The following KALRN variants were observed in gnomAD, a reference collection of about 807,000 sequenced individuals.
KALRN encodes kalirin.
KALRN carries 70 observed loss-of-function variants against 353.7 expected under a neutral mutation model. The observed-to-expected ratio is 0.20, with a 90% CI of 0.16 to 0.24. The LOEUF (loss-of-function observed/expected upper bound fraction) is 0.24, where lower values mean the gene tolerates loss of function less well. KALRN is among the 10% of genes least tolerant of loss of function. KALRN has a pLI of 1.00. For missense variants in KALRN, 2,791 were observed against 3,756.7 expected (o/e 0.74, Z 6.72); for synonymous variants, 1,391 against 1,434.8 (o/e 0.97, Z 0.69).
At chr3:124,516,092 C>T (rs749658336) in intron 33 of KALRN, among the ~76,000 whole-genome samples, 3 of 152,140 alleles carry the variant, frequency 2.0e-5, no homozygotes, top group Non-Finnish European at 4.4e-5. Context: ...CTTTAACCCC[C>T]AATGGATATA....
rs116926701 is a variant in KALRN, at chr3:124,227,232, A to G, written c.74-758A>G. On this transcript the variant is annotated intron_variant, in intron 1 of 59. Coordinates refer to ENST00000682506, the MANE Select transcript of KALRN (RefSeq NM_001388419.1). Reference sequence around the variant, plus strand: ...CCCCTAACAGGAACTCAACTAGAACATAGAAAGGACTTTCTAAATGAGAAG... The same window carrying G: ...CCCCTAACAGGAACTCAACTAGAACGTAGAAAGGACTTTCTAAATGAGAAG... Among the ~76,000 whole-genome samples, 232 of 152,298 alleles carry G rather than the reference A, an allele frequency of 1.5e-3. 2 individuals are homozygous for G. The highest frequency in any genetic ancestry group is 0.014 in the East Asian group (72 of 5,184).
intron 9 of KALRN, among the ~76,000 whole-genome samples, chr3:124,345,037 A>G (rs1325566572): frequency 6.6e-6 from 1 of 152,214 alleles, no homozygotes; most frequent in Non-Finnish European, 1.5e-5. Context: ...AAAGCTAGAG[A>G]TAAAAAATGA....
intron 33 of KALRN, among the ~76,000 whole-genome samples, chr3:124,556,315 C>T (rs1015011325): frequency 6.6e-6 from 1 of 152,192 alleles, no homozygotes; most frequent in Non-Finnish European, 1.5e-5. Flanking sequence ...CCTGGCAGCT[C>T]CATGGGCTTC....
intron 1 of KALRN, among the ~76,000 whole-genome samples, chr3:124,211,084 G>A (rs2076860421): frequency 6.6e-6 from 1 of 152,200 alleles, no homozygotes. Flanking sequence ...CAGTTTGGCT[G>A]TTCCCAGGTT....
At chr3:124,085,252 T>C (rs2060750263) in intron 1 of KALRN, among the ~76,000 whole-genome samples, 1 of 152,230 alleles carries the variant, frequency 6.6e-6, no homozygotes, top group Non-Finnish European at 1.5e-5. Context: ...CCATCCATCC[T>C]GTAAGTAGCC....
intron 1 of KALRN, among the ~76,000 whole-genome samples, chr3:124,192,226 A>G (rs2074994992): frequency 6.6e-6 from 1 of 152,222 alleles, no homozygotes; most frequent in Non-Finnish European, 1.5e-5. Context: ...TTGCAACAAC[A>G]TGGATGGAAC....
At chr3:124,343,382 A>C (rs2081969122) in intron 9 of KALRN, among the ~76,000 whole-genome samples, 1 of 152,016 alleles carries the variant, frequency 6.6e-6, no homozygotes. Context: ...CTTGTCTCAA[A>C]TTCCTAGGTT....
intron 1 of KALRN, chr3:124,152,230 T>C: frequency 1.3e-6 from 2 of 1,578,778 alleles, no homozygotes; most frequent in Admixed American, 3.3e-5. Flanking sequence ...ACCACGCTTG[T>C]AGATTAGTTC....
intron 11 of KALRN, among the ~76,000 whole-genome samples, chr3:124,388,984 G>A (rs2149993181): frequency 6.6e-6 from 1 of 152,236 alleles, no homozygotes; most frequent in Non-Finnish European, 1.5e-5. Context: ...TAGTCTGTTA[G>A]GGAATTTTGA....
intron 57 of KALRN, among the ~76,000 whole-genome samples, chr3:124,707,739 A>G (rs999383088): frequency 6.6e-6 from 1 of 152,198 alleles, no homozygotes; most frequent in African/African-American, 2.4e-5. Flanking sequence ...CTGCATGACA[A>G]TGCAGGAAGC....
intron 13 of KALRN, among the ~76,000 whole-genome samples, chr3:124,408,774 C>T (rs1371618862): frequency 5.9e-5 from 9 of 151,806 alleles, no homozygotes; most frequent in Admixed American, 5.9e-4. Flanking sequence ...TTCAAAACAT[C>T]TGGGGAAGAG....
intron 34 of KALRN, among the ~76,000 whole-genome samples, chr3:124,593,358 C>T (rs901904725): frequency 1.8e-4 from 28 of 152,148 alleles, no homozygotes; most frequent in Non-Finnish European, 2.5e-4. Flanking sequence ...GAACATGTTA[C>T]AAATGCAGAT....
chr3:124,182,214 C>G (rs187804035), intron 1 of KALRN, among the ~76,000 whole-genome samples: 12 of 152,142 alleles, frequency 7.9e-5, no homozygotes, highest in Admixed American at 7.9e-4. Context: ...CAAAACTTAA[C>G]GGCTTGAAAT....
chr3:124,347,020 G>A, intron 9 of KALRN, 123 bp from the exon 10 acceptor site: 3 of 1,440,076 alleles, frequency 2.1e-6, no homozygotes, highest in Non-Finnish European at 9.5e-7. Flanking sequence ...ATTTCCACCT[G>A]AACTGCTGCT....
intron 8 of KALRN, among the ~76,000 whole-genome samples, chr3:124,331,740 T>C (rs1188860503): frequency 6.6e-6 from 1 of 152,200 alleles, no homozygotes; most frequent in Admixed American, 6.5e-5. Flanking sequence ...CTTCCACATA[T>C]GTGAGGTGTG....
chr3:124,069,294 AG>A (rs2042637800), intron 1 of KALRN, among the ~76,000 whole-genome samples: 1 of 142,634 alleles, frequency 7.0e-6, no homozygotes, highest in Non-Finnish European at 1.5e-5. Context: ...CTGGAGGGAA[AG>A]GAACTCATGG....
At chr3:124,297,580 G>T (rs571148161) in intron 5 of KALRN, among the ~76,000 whole-genome samples, 1 of 152,192 alleles carries the variant, frequency 6.6e-6, no homozygotes, top group Admixed American at 6.5e-5. Flanking sequence ...CTTCCAGTCC[G>T]CATCCCCTTG....
chr3:124,121,547 G>A (rs1195687741), intron 1 of KALRN, among the ~76,000 whole-genome samples: 1 of 152,160 alleles, frequency 6.6e-6, no homozygotes, highest in Non-Finnish European at 1.5e-5. Flanking sequence ...TATTGCACAA[G>A]TCACCCATGA....
At chr3:124,332,114 G>C (rs1349688241) in intron 8 of KALRN, among the ~76,000 whole-genome samples, 2 of 152,180 alleles carry the variant, frequency 1.3e-5, no homozygotes, top group Non-Finnish European at 2.9e-5. Flanking sequence ...TCCCCTGGCA[G>C]TCAATTATGG....
Sources: gnomAD v4.1 joint callset for allele counts (sites outside exome capture counted in the v4.1 genomes callset) on GRCh38, gnomAD v4.1.1 for gene constraint, MANE v1.5 for transcripts, NCBI Gene and HGNC (gene_info 2026-07-23, HGNC 2026-07-21) for gene names.